MYH15: variants seen among roughly 807,000 people sequenced by gnomAD.
MYH15 encodes the protein myosin-15.
MYH15 carries 227 observed loss-of-function variants against 240.5 expected under a neutral mutation model. The ratio of observed to expected loss-of-function variants is 0.94; its 90% CI spans 0.85 to 1.05. The LOEUF (loss-of-function observed/expected upper bound fraction) is 1.05. Among genes scored for constraint, MYH15 ranks in the 50% least tolerant of loss-of-function variants. MYH15 has a pLI of 0.00. For missense variants in MYH15, 2,217 were observed against 2,247.5 expected (o/e 0.99, Z 0.27); for synonymous variants, 785 against 796.7 (o/e 0.99, Z 0.25).
chr3:108,529,471 C>G, upstream of MYH15: 1 of 520,492 alleles, frequency 1.9e-6, no homozygotes, highest in Non-Finnish European at 3.4e-6. Context: ...AAAATTCAGA[C>G]TGAGAGCACA....
At chr3:108,445,922 G>C (rs2082923970) in intron 21 of MYH15, among the ~76,000 whole-genome samples, 1 of 152,000 alleles carries the variant, frequency 6.6e-6, no homozygotes, top group Non-Finnish European at 1.5e-5. Flanking sequence ...AATTAAGCAG[G>C]TTATTAGAAA....
intron 27 of MYH15, among the ~76,000 whole-genome samples, chr3:108,425,060 T>C (rs2082715462): frequency 6.6e-6 from 1 of 152,196 alleles, no homozygotes; most frequent in South Asian, 2.1e-4. Flanking sequence ...GACTAGATAA[T>C]GCATAAGTAT....
At chr3:108,529,525 T>C (rs1338961243), upstream of MYH15, among the ~76,000 whole-genome samples, 1 of 152,200 alleles carries the variant, frequency 6.6e-6, no homozygotes, top group Non-Finnish European at 1.5e-5. Flanking sequence ...TTAGATTTTA[T>C]TCTATATTTC....
chr3:108,491,729 TC>T (rs1439261990), intron 9 of MYH15, among the ~76,000 whole-genome samples: 18 of 152,124 alleles, frequency 1.2e-4, no homozygotes, highest in Non-Finnish European at 4.4e-5. Flanking sequence ...CTCTGCCAAC[TC>T]CCTGAGTTCA....
the MYH15 span, among the ~76,000 whole-genome samples, chr3:108,542,596 T>C: frequency 1.3e-5 from 2 of 152,190 alleles, no homozygotes; most frequent in African/African-American, 2.4e-5. Flanking sequence ...CATGTGCAGG[T>C]TTCTTACAAA....
the MYH15 span, among the ~76,000 whole-genome samples, chr3:108,536,615 C>T: frequency 5.3e-5 from 8 of 152,116 alleles, no homozygotes; most frequent in African/African-American, 1.7e-4. Context: ...CAGGGTTCTA[C>T]CAAGGGGGAA....
chr3:108,446,668 A>G (rs547475126), intron 21 of MYH15, among the ~76,000 whole-genome samples: 1 of 152,356 alleles, frequency 6.6e-6, no homozygotes, highest in South Asian at 2.1e-4. Context: ...CAAATGCACA[A>G]ACAAACTGGA....
intron 11 of MYH15, among the ~76,000 whole-genome samples, chr3:108,483,316 G>A (rs577560225): frequency 3.3e-4 from 49 of 150,650 alleles, no homozygotes; most frequent in South Asian, 1.0e-3. Flanking sequence ...ACAAATGGCC[G>A]ATAAGCACAT....
chr3:108,441,272 A>C lies in MYH15; in HGVS notation c.2656-12T>G. The C allele has an allele frequency of 6.2e-7, 1 of 1,612,544 alleles. No individual in the cohort carries two copies. The highest frequency in any genetic ancestry group is 1.1e-5 in the South Asian group (1 of 91,030). ...AGTGTCTCTTGCTCCTGCCATGATG[A>C]GGAGAAAATTGTTGCCAACAGCTGG... On this transcript the variant is annotated splice_polypyrimidine_tract_variant and intron_variant, in intron 22 of 40. Transcript: ENST00000693548.
intron 37 of MYH15, 107 bp from the exon 38 acceptor site, chr3:108,389,181 C>G (rs2082405940): frequency 5.3e-6 from 5 of 938,534 alleles, no homozygotes; most frequent in Non-Finnish European, 8.3e-6. Flanking sequence ...AGGGAACATG[C>G]ACACACTGTT....
intron 28 of MYH15, among the ~76,000 whole-genome samples, chr3:108,420,490 TA>T (rs1398534531): frequency 6.6e-6 from 1 of 152,116 alleles, no homozygotes; most frequent in Non-Finnish European, 1.5e-5. Context: ...TTTCCAGAAT[TA>T]ATAAGGTGTT....
chr3:108,536,669 T>C, the MYH15 span, among the ~76,000 whole-genome samples: 1 of 152,220 alleles, frequency 6.6e-6, no homozygotes, highest in East Asian at 1.9e-4. Context: ...AAGCAGCATC[T>C]TTGAGCTTCA....
At chr3:108,426,391 T>G (rs1038526761) in intron 27 of MYH15, among the ~76,000 whole-genome samples, 11 of 152,050 alleles carry the variant, frequency 7.2e-5, no homozygotes, top group Non-Finnish European at 1.3e-4. Flanking sequence ...GGAAACGTGA[T>G]TTCAAGAGAG....
rs528367369 is a variant in MYH15 at position 108,525,165 on chromosome 3, T to C, written c.-58+4098A>G. 3.3e-5 allele frequency among the ~76,000 whole-genome samples: 5 copies of C among 152,124 alleles called. No individual in the cohort carries two copies. In the South Asian group the frequency reaches 1.0e-3, roughly 32 times the overall value. On this transcript the variant is annotated intron_variant, in intron 1 of 41. Coordinates refer to the MYH15 transcript ENST00000273353. ...AGAAGATGGGGAAAATGGATATTGG[T>C]CACTGCAATTACTTCAAAATAGTAA...
At chr3:108,408,250 A>C in intron 32 of MYH15, 30 bp downstream of exon 32, 1 of 1,595,142 alleles carries the variant, frequency 6.3e-7, no homozygotes, top group Non-Finnish European at 8.5e-7. Context: ...TGTCACAGTG[A>C]AAACTTTCTT....
chr3:108,463,020 C>A (rs1240252675), intron 16 of MYH15, 91 bp downstream of exon 16: 2 of 1,417,954 alleles, frequency 1.4e-6, no homozygotes, highest in African/African-American at 1.4e-5. Context: ...AGAAACATAT[C>A]ACAGGAAAGA....
At chr3:108,491,244 C>T (rs1337178068) in intron 9 of MYH15, among the ~76,000 whole-genome samples, 1 of 152,118 alleles carries the variant, frequency 6.6e-6, no homozygotes, top group Non-Finnish European at 1.5e-5. Flanking sequence ...ACTATAAGCT[C>T]ATATGGGCAG....
chr3:108,415,336 C>T (rs2082624864), intron 29 of MYH15, among the ~76,000 whole-genome samples: 1 of 152,154 alleles, frequency 6.6e-6, no homozygotes. Context: ...AGCCAGACCC[C>T]TTTGGGTGGT....
chr3:108,455,451 A>G (rs1018621247), intron 20 of MYH15, among the ~76,000 whole-genome samples: 1 of 152,188 alleles, frequency 6.6e-6, no homozygotes, highest in African/African-American at 2.4e-5. Context: ...ATATATACAC[A>G]TTTTCTCATA....
Sources: allele counts gnomAD v4.1 joint callset (sites outside exome capture counted in the v4.1 genomes callset), GRCh38; gene constraint gnomAD v4.1.1; transcripts MANE v1.5; gene names NCBI Gene and HGNC (gene_info 2026-07-23, HGNC 2026-07-21).